Variants in ACSM3 observed in about 807,000 individuals in gnomAD.
ACSM3 encodes the protein acyl-coenzyme A synthetase ACSM3, mitochondrial.
ACSM3 carries 61 observed loss-of-function variants against 74.1 expected under a neutral mutation model. The observed-to-expected ratio is 0.82, with a 90% CI of 0.67 to 1.02. The LOEUF (loss-of-function observed/expected upper bound fraction) is 1.02. Ranked by LOEUF, ACSM3 falls within the 50% of genes least tolerant of loss-of-function variation. The pLI is 0.00. For synonymous variants in ACSM3, 213 were observed against 241.5 expected (o/e 0.88, Z 1.09); for missense variants, 660 against 697.0 (o/e 0.95, Z 0.60).
At chr16:20,700,060 C>T (rs9925895) in intron 1 of ACSM3, among the ~76,000 whole-genome samples, 3,003 of 152,240 alleles carry the variant, frequency 0.02, 95 homozygotes, top group African/African-American at 0.068. Context: ...TGATTCAATG[C>T]TCCTGGAAAC....
At chr16:20,733,863 A>G (rs1009668842) in intron 1 of ACSM3, 1 of 152,128 alleles carries the variant, frequency 6.6e-6, no homozygotes, top group Non-Finnish European at 1.5e-5. Flanking sequence ...TTTCTAAACC[A>G]TAAGACTGCA....
At chr16:20,793,461 T>C (rs2080648179) in intron 12 of ACSM3, among the ~76,000 whole-genome samples, 1 of 151,000 alleles carries the variant, frequency 6.6e-6, no homozygotes, top group Admixed American at 6.6e-5. Context: ...AGAACAAGAC[T>C]CCGCCTCAAA....
intron 1 of ACSM3, among the ~76,000 whole-genome samples, chr16:20,692,063 T>C (rs2152339634): frequency 6.6e-6 from 1 of 152,274 alleles, no homozygotes; most frequent in South Asian, 2.1e-4. Flanking sequence ...AGATTCTCCT[T>C]TGCCTGAGAC....
chr16:20,719,536 G>A (rs919347706), intron 1 of ACSM3, among the ~76,000 whole-genome samples: 8 of 151,940 alleles, frequency 5.3e-5, no homozygotes, highest in African/African-American at 1.9e-4. Flanking sequence ...CTTGGCTTTT[G>A]AAATGTGTTT....
Position 20,775,932 on chromosome 16 carries a change from A to C in ACSM3, c.313A>C (p.Arg105=). The stretch of plus-strand genomic sequence containing the variant: ...TTTTGAGGAACTGGGATCTCTGTCC[A>C]GAAAATTTGCCAATATACTTTCAGA... ...WSFEELGSLS[R]KFANILSEAC... The change falls in exon 3 of 14, where the codon AGA becomes CGA. Residue 105 remains arginine, a synonymous_variant. Coordinates refer to ENST00000289416, the MANE Select transcript of ACSM3 (RefSeq NM_005622.4). The C allele has an allele frequency of 6.2e-7, 1 of 1,614,238 alleles. No homozygotes were observed. The highest frequency in any genetic ancestry group is 8.5e-7 in the Non-Finnish European group (1 of 1,180,036).
At chr16:20,758,545 C>T (rs989357295) in intron 3 of ACSM3, among the ~76,000 whole-genome samples, 16 of 151,970 alleles carry the variant, frequency 1.1e-4, no homozygotes, top group African/African-American at 3.6e-4. Context: ...GTCTTGCTAG[C>T]GGTCTATCAA....
chr16:20,682,087 AG>A, intron 1 of ACSM3: 1 of 624,818 alleles, frequency 1.6e-6, no homozygotes, highest in Non-Finnish European at 2.7e-6. Flanking sequence ...AATGCTTAAA[AG>A]GTAACCTGAC....
intron 1 of ACSM3, chr16:20,742,218 A>G (rs1002597592): frequency 1.8e-5 from 7 of 379,492 alleles, no homozygotes; most frequent in African/African-American, 1.5e-4. Flanking sequence ...TCATTCATCC[A>G]GCACTGTTAC....
intron 6 of ACSM3, 122 bp downstream of exon 6, chr16:20,781,252 T>A (rs1159338424): frequency 4.0e-6 from 5 of 1,251,150 alleles, no homozygotes; most frequent in Non-Finnish European, 5.5e-6. Context: ...ATATGTCACA[T>A]CCAGAAAGTC....
At chr16:20,751,495 T>C (rs112341893) in intron 2 of ACSM3, among the ~76,000 whole-genome samples, 3 of 152,348 alleles carry the variant, frequency 2.0e-5, no homozygotes, top group African/African-American at 7.2e-5. Flanking sequence ...TGATGAGAGA[T>C]AGAAACCCAG....
rs2079810817 is a variant in ACSM3 at position 20,727,479 on chromosome 16, G to A, written c.-189-22431G>A. 7.1e-6 allele frequency: 3 copies of A among 422,472 alleles called. No individual in the cohort carries two copies. The Admixed American group carries it at 9.3e-5, about 13-fold the overall frequency. 26.2% of individuals were successfully genotyped at this position (422,472 alleles called of 1,614,324 possible). ...ACAGACGGAAGTGGTATATTTAAAG[G>A]GCAACATTTATGTTTAGTATATTTG... On this transcript the variant is annotated intron_variant, in intron 1 of 3. Transcript: ENST00000561584.
At chr16:20,755,779 T>TA (rs1567338938) in intron 3 of ACSM3, among the ~76,000 whole-genome samples, 1 of 46,334 alleles carries the variant, frequency 2.2e-5, no homozygotes, top group East Asian at 8.0e-4. Context: ...ATGCTATCCC[T>TA]CCCCCCCCCC....
chr16:20,760,843 C>A (rs139353874), upstream of ACSM3, among the ~76,000 whole-genome samples: 5 of 152,192 alleles, frequency 3.3e-5, no homozygotes, highest in Admixed American at 2.6e-4. Flanking sequence ...TACCTTTTAA[C>A]GTCTAATAAG....
At chr16:20,712,837 T>C (rs1393527518) in intron 1 of ACSM3, among the ~76,000 whole-genome samples, 1 of 150,640 alleles carries the variant, frequency 6.6e-6, no homozygotes, top group Non-Finnish European at 1.5e-5. Flanking sequence ...CTCTTGAACC[T>C]GGGCAGTGGA....
At chr16:20,707,534 G>A (rs1484584689) in intron 1 of ACSM3, among the ~76,000 whole-genome samples, 1 of 152,168 alleles carries the variant, frequency 6.6e-6, no homozygotes, top group Admixed American at 6.5e-5. Flanking sequence ...TTTGGACCAA[G>A]GTCCTGGAGA....
intron 1 of ACSM3, chr16:20,691,243 G>C: frequency 7.1e-7 from 1 of 1,411,824 alleles, no homozygotes; most frequent in South Asian, 1.5e-5. Context: ...CACCTGCCTT[G>C]GGAAGAGATG....
In ACSM3 at chr16:20,689,617, GT is replaced by G. The variant is rs900768632; in HGVS notation, c.-190+14800del. On this transcript the variant is annotated intron_variant, in intron 1 of 3. Coordinates refer to the ACSM3 transcript ENST00000561584. ...AAATCAATGAAAAACTTTTAGAATT[GT>G]TTTTATAATAAAATGCTTATAGTTT... 3.3e-5 allele frequency among the ~76,000 whole-genome samples: 5 copies of G among 152,070 alleles called. 1 individual carries two copies. The highest frequency in any genetic ancestry group is 9.7e-5 in the African/African-American group (4 of 41,404).
intron 1 of ACSM3, among the ~76,000 whole-genome samples, chr16:20,716,317 AAG>A (rs1184484008): frequency 6.6e-6 from 1 of 152,154 alleles, no homozygotes; most frequent in Non-Finnish European, 1.5e-5. Flanking sequence ...CATAAAATAA[AAG>A]AGTCTTGGAA....
intron 2 of ACSM3, among the ~76,000 whole-genome samples, chr16:20,754,022 G>A (rs1356617322): frequency 6.6e-6 from 1 of 152,230 alleles, no homozygotes; most frequent in Admixed American, 6.5e-5. Flanking sequence ...CAAGTCCACA[G>A]TGGAAAAGGT....
Sources: gnomAD v4.1 joint callset for allele counts (sites outside exome capture counted in the v4.1 genomes callset) on GRCh38, gnomAD v4.1.1 for gene constraint, MANE v1.5 for transcripts, NCBI Gene and HGNC (gene_info 2026-07-23, HGNC 2026-07-21) for gene names.